WDR19: variants seen among roughly 807,000 people sequenced by gnomAD.
WDR19 encodes WD repeat-containing protein 19.
Under a neutral mutation model 180.0 loss-of-function variants are expected in WDR19, and 121 were observed. That is an observed-to-expected ratio of 0.67 (90% CI 0.58 to 0.78). The LOEUF (loss-of-function observed/expected upper bound fraction) is 0.78. Among genes scored for constraint, WDR19 ranks in the 30% least tolerant of loss-of-function variants. The pLI is 0.00. For synonymous variants in WDR19, 497 were observed against 540.7 expected (o/e 0.92, Z 1.12); for missense variants, 1,450 against 1,640.7 (o/e 0.88, Z 2.01).
In WDR19 at chr4:39,231,916, T is replaced by C. The variant is rs1340059722; in HGVS notation, c.2102T>C (p.Ile701Thr). 6.2e-7 allele frequency: 1 copy of C among 1,613,680 alleles called. No homozygotes were observed. The highest frequency in any genetic ancestry group is 1.1e-5 in the South Asian group (1 of 91,080). Residue 701 changes from isoleucine to threonine, a missense_variant, in exon 18 of 37, where the codon ATT becomes ACT. By Grantham distance (89) the Ile-to-Thr change is moderately conservative (BLOSUM62 -1). Transcript: ENST00000399820. ...VEFAIRVYRRIGNVGIVMSLE... is the reference protein window; with the variant it reads ...VEFAIRVYRRTGNVGIVMSLE... Reference sequence around the variant, plus strand: ...TTTGCAATCCGTGTTTATCGGAGAATTGGAAATGTTGGCATAGTGATGTCC... The same window carrying C: ...TTTGCAATCCGTGTTTATCGGAGAACTGGAAATGTTGGCATAGTGATGTCC...
rs35235670 is a variant in WDR19, at chr4:39,284,527, T to TGG, written c.*14-957_*14-956dup. On this transcript the variant is annotated intron_variant, in intron 36 of 36. Transcript: ENST00000399820. ...CTTTTTTTTTTCTTTTTTTTAGACATGGGGTCTCACTATGTTGCCCAGGCT... is the reference window on the plus strand; with the variant it reads ...CTTTTTTTTTTCTTTTTTTTAGACATGGGGGGTCTCACTATGTTGCCCAGGCT... Among the ~76,000 whole-genome samples, 1,412 of 147,330 alleles carry TGG rather than the reference T, an allele frequency of 9.6e-3. 21 individuals carry two copies. The highest frequency in any genetic ancestry group is 0.033 in the African/African-American group (1,332 of 39,946).
chr4:39,203,696 G>A lies in WDR19; in HGVS notation c.577G>A (p.Asp193Asn). 1 of 1,612,654 alleles carries A rather than the reference G, an allele frequency of 6.2e-7. No individual in the cohort carries two copies. Among genetic ancestry groups the A allele is most frequent in the Non-Finnish European group, 8.5e-7 (1 of 1,179,392 alleles). Residue 193 changes from aspartate to asparagine, a missense_variant, in exon 7 of 37, where the codon GAC becomes AAC. Transcript: ENST00000399820. ...GCAGTTTTTCTTGATGAAGATGGATGACCGAACCTCTGCTGCTGAAAGCAT... is the reference window on the plus strand; with the variant it reads ...GCAGTTTTTCTTGATGAAGATGGATAACCGAACCTCTGCTGCTGAAAGCAT... The part of the protein sequence containing the change: ...NMQFFLMKMD[D>N]RTSAAESMIS...
Position 39,195,391 on chromosome 4 carries a change from C to CAA in WDR19, c.406+734_406+735dup, listed in dbSNP as rs761488634. Among the ~76,000 whole-genome samples, 366 of 132,778 alleles carry CAA rather than the reference C, an allele frequency of 2.8e-3. 6 individuals carry two copies. Among genetic ancestry groups the CAA allele is most frequent in the South Asian group, 0.012 (56 of 4,552 alleles). The allele number at this position is 132,778 out of a possible 152,430, so 87.1% of individuals were successfully genotyped here. A position where few individuals can be genotyped will look rare whatever the true frequency, so the allele number is the denominator to read the frequency against. ...CAAAAAAAAAAAACAAAAAAACAAA[C>CAA]AAACAAAAAAAAACATTTACTGCTT... On this transcript the variant is annotated intron_variant, in intron 5 of 36. Transcript: ENST00000399820.
intron 36 of WDR19, among the ~76,000 whole-genome samples, chr4:39,280,379 C>A (rs1560572258): frequency 6.6e-6 from 1 of 152,056 alleles, no homozygotes; most frequent in Non-Finnish European, 1.5e-5. Flanking sequence ...CATTGCCAGG[C>A]TGGGCACAAT....
chr4:39,194,671 C>A lies in WDR19; in HGVS notation c.406+12C>A. 6.5e-7 allele frequency: 1 copy of A among 1,540,102 alleles called. No homozygotes were observed. The highest frequency in any genetic ancestry group is 2.3e-5 in the East Asian group (1 of 44,292). ...GATTCCTGTCCTTGGTAGGTGATAGCTGGAAACACTGCTAAATATTTGAGA... is the reference window on the plus strand; with the variant it reads ...GATTCCTGTCCTTGGTAGGTGATAGATGGAAACACTGCTAAATATTTGAGA... On this transcript the variant is annotated intron_variant, in intron 5 of 36. Transcript: ENST00000399820.
chr4:39,205,786 A>G (rs1298208018), intron 9 of WDR19, 50 bp downstream of exon 9: 1 of 1,448,428 alleles, frequency 6.9e-7, no homozygotes, highest in Non-Finnish European at 9.2e-7. Context: ...TAAATACTTA[A>G]GTGAATCAGC....
chr4:39,252,995 T>G, intron 24 of WDR19, 151 bp from the exon 25 acceptor site: 1 of 649,918 alleles, frequency 1.5e-6, no homozygotes, highest in Non-Finnish European at 2.4e-6. Flanking sequence ...AGTGGGATGG[T>G]TCCTGGTATT....
intron 35 of WDR19, 50 bp downstream of exon 35, chr4:39,278,257 C>T: frequency 6.8e-7 from 1 of 1,466,242 alleles, no homozygotes; most frequent in Non-Finnish European, 9.3e-7. Flanking sequence ...CCGACACAGG[C>T]CTTTCATTCT....
chr4:39,283,486 CTT>C (rs1214734110), intron 36 of WDR19, among the ~76,000 whole-genome samples: 13 of 151,804 alleles, frequency 8.6e-5, no homozygotes, highest in East Asian at 3.9e-4. Flanking sequence ...TTCAGTTCCT[CTT>C]GTCTTGCCTT....
At chr4:39,242,187 C>T (rs895728665) in intron 21 of WDR19, among the ~76,000 whole-genome samples, 2 of 151,996 alleles carry the variant, frequency 1.3e-5, no homozygotes, top group Non-Finnish European at 1.5e-5. Context: ...GCTCCAGCCT[C>T]CTTATTAGCT....
Position 39,211,096 on chromosome 4 carries a change from T to A in WDR19, c.891-3505T>A, listed in dbSNP as rs773547395. On this transcript the variant is annotated intron_variant, in intron 9 of 36. Transcript: ENST00000399820. The stretch of plus-strand genomic sequence containing the variant: ...GTCCCAGCAACTTGGGAGGCTGAGG[T>A]GGGAGGATCACTTGAGCCTGGGAGG... 2.0e-5 allele frequency among the ~76,000 whole-genome samples: 3 copies of A among 151,342 alleles called. No homozygotes were observed. The South Asian group carries it at 6.3e-4, about 32-fold the overall frequency.
rs1272492030 is a variant in WDR19 at position 39,216,221 on chromosome 4, A to T, written c.1249+11A>T. Reference sequence around the variant, plus strand: ...TCCTTGGAGAAAATGGCAAGTCTAAATCCAGTTGTTTATTCTTATCTAGCA... The same window carrying T: ...TCCTTGGAGAAAATGGCAAGTCTAATTCCAGTTGTTTATTCTTATCTAGCA... On this transcript the variant is annotated intron_variant, in intron 12 of 36. Coordinates refer to ENST00000399820, the MANE Select transcript of WDR19 (RefSeq NM_025132.4). 6.5e-7 allele frequency: 1 copy of T among 1,541,334 alleles called. No individual in the cohort carries two copies. Among genetic ancestry groups the T allele is most frequent in the Non-Finnish European group, 8.7e-7 (1 of 1,144,834 alleles).
intron 6 of WDR19, among the ~76,000 whole-genome samples, chr4:39,200,510 T>G (rs1315522574): frequency 2.0e-5 from 3 of 152,164 alleles, no homozygotes; most frequent in Admixed American, 6.5e-5. Context: ...AGGGTTCAGT[T>G]CCTTACAGAT....
At chr4:39,205,032 T>A (rs979320154) in intron 7 of WDR19, 122 bp from the exon 8 acceptor site, 1 of 647,830 alleles carries the variant, frequency 1.5e-6, no homozygotes, top group African/African-American at 1.8e-5. Flanking sequence ...GTTACAGCAT[T>A]TAGCACATCT....
chr4:39,196,056 T>C (rs1417784401), intron 5 of WDR19, among the ~76,000 whole-genome samples: 1 of 152,200 alleles, frequency 6.6e-6, no homozygotes, highest in Admixed American at 6.5e-5. Context: ...TCTCCCTTTC[T>C]TGGGTATAGA....
chr4:39,260,450 G>T (rs567542134), intron 28 of WDR19, among the ~76,000 whole-genome samples: 1 of 150,392 alleles, frequency 6.6e-6, no homozygotes, highest in Non-Finnish European at 1.5e-5. Context: ...TGATTCTCCT[G>T]CCTCGGCCTC....
At chr4:39,190,989 A>G (rs1003570823) in intron 4 of WDR19, among the ~76,000 whole-genome samples, 2 of 152,238 alleles carry the variant, frequency 1.3e-5, no homozygotes, top group African/African-American at 2.4e-5. Flanking sequence ...TAACTGGTCT[A>G]TCTCTGCCTC....
At chr4:39,277,926 C>T (rs1037956240) in intron 34 of WDR19, among the ~76,000 whole-genome samples, 1 of 151,996 alleles carries the variant, frequency 6.6e-6, no homozygotes. Context: ...TGGTGGCGCA[C>T]GCCTGTAGTC....
intron 34 of WDR19, 55 bp downstream of exon 34, chr4:39,277,198 T>G: frequency 6.6e-7 from 1 of 1,515,168 alleles, no homozygotes; most frequent in South Asian, 1.3e-5. Context: ...GTAACCCATT[T>G]GAATACTTGA....
Sources: allele counts gnomAD v4.1 joint callset (sites outside exome capture counted in the v4.1 genomes callset), GRCh38; gene constraint gnomAD v4.1.1; transcripts MANE v1.5; gene names NCBI Gene and HGNC (gene_info 2026-07-23, HGNC 2026-07-21).